The following GRIK2 variants were observed in gnomAD, a reference collection of about 807,000 sequenced individuals.
GRIK2 encodes the protein glutamate receptor ionotropic, kainate 2.
A neutral mutation model predicts 100.3 loss-of-function variants in GRIK2; 32 were observed. The ratio of observed to expected loss-of-function variants is 0.32; its 90% CI spans 0.24 to 0.43. GRIK2 has a LOEUF of 0.43. Ranked by LOEUF, GRIK2 falls within the 20% of genes least tolerant of loss-of-function variation. The pLI is 1.00. For missense variants in GRIK2, 843 were observed against 1,114.9 expected, an observed-to-expected ratio of 0.76 and a Z score of 3.47; for synonymous variants, 417 against 389.4, an observed-to-expected ratio of 1.07 and a Z score of -0.83.
chr6:101,702,861 A>G (rs1025095385), intron 7 of GRIK2, among the ~76,000 whole-genome samples: 2 of 151,844 alleles, frequency 1.3e-5, no homozygotes, highest in Non-Finnish European at 2.9e-5. Context: ...AGATGGAAAC[A>G]AGCAAGGTGC....
intron 14 of GRIK2, among the ~76,000 whole-genome samples, chr6:101,940,187 C>T (rs190028899): frequency 6.6e-6 from 1 of 152,258 alleles, no homozygotes; most frequent in East Asian, 1.9e-4. Context: ...GCCTTTGAAG[C>T]TGGCTGAGAA....
At chr6:101,897,575 A>T (rs553252690) in intron 12 of GRIK2, among the ~76,000 whole-genome samples, 1 of 151,958 alleles carries the variant, frequency 6.6e-6, no homozygotes, top group South Asian at 2.1e-4. Flanking sequence ...ATTCCAGCAA[A>T]ATCAGTGGCT....
chr6:102,020,059 A>C (rs1769343358), intron 14 of GRIK2, among the ~76,000 whole-genome samples: 1 of 151,988 alleles, frequency 6.6e-6, no homozygotes, highest in South Asian at 2.1e-4. Flanking sequence ...GGTTAAAAAG[A>C]CTATATTGTG....
At chr6:101,794,020 C>T (rs1319095660) in intron 7 of GRIK2, among the ~76,000 whole-genome samples, 3 of 152,180 alleles carry the variant, frequency 2.0e-5, no homozygotes, top group Non-Finnish European at 4.4e-5. Context: ...GAGCCAGGTG[C>T]AGGATATAAT....
chr6:101,470,741 C>T (rs1032532919), intron 2 of GRIK2, among the ~76,000 whole-genome samples: 1 of 152,082 alleles, frequency 6.6e-6, no homozygotes, highest in Non-Finnish European at 1.5e-5. Context: ...AGGAAATGCC[C>T]TATTCACTAC....
At chr6:101,618,132 GC>G (rs1779985792) in intron 2 of GRIK2, among the ~76,000 whole-genome samples, 1 of 150,672 alleles carries the variant, frequency 6.6e-6, no homozygotes, top group African/African-American at 2.4e-5. Context: ...TCTTCTCTTA[GC>G]TTTTTTTTGA....
At chr6:101,950,647 C>G (rs1375088073) in intron 14 of GRIK2, among the ~76,000 whole-genome samples, 2 of 152,190 alleles carry the variant, frequency 1.3e-5, no homozygotes, top group Non-Finnish European at 2.9e-5. Flanking sequence ...CTGCCCACTA[C>G]TTGCTTAGTT....
intron 4 of GRIK2, among the ~76,000 whole-genome samples, chr6:101,640,464 C>A (rs1297785400): frequency 2.0e-5 from 3 of 152,124 alleles, no homozygotes; most frequent in Admixed American, 6.6e-5. Flanking sequence ...CAATTGTGCT[C>A]AAGTTCAAAG....
chr6:101,571,340 A>G (rs115647228), intron 2 of GRIK2, among the ~76,000 whole-genome samples: 2,892 of 152,224 alleles, frequency 0.019, 100 homozygotes, highest in African/African-American at 0.067. Context: ...TAAAAATAAT[A>G]AAAACTGATT....
chr6:101,803,659 C>CTTTA (rs940003627), intron 9 of GRIK2, among the ~76,000 whole-genome samples: 1 of 151,780 alleles, frequency 6.6e-6, no homozygotes, highest in South Asian at 2.1e-4. Flanking sequence ...GATGTTATTA[C>CTTTA]TTTATTTATT....
chr6:101,507,255 G>C (rs967363527), intron 2 of GRIK2, among the ~76,000 whole-genome samples: 7 of 151,988 alleles, frequency 4.6e-5, no homozygotes, highest in African/African-American at 1.7e-4. Flanking sequence ...CTTTAATTTA[G>C]AGCACTTGAT....
intron 7 of GRIK2, among the ~76,000 whole-genome samples, chr6:101,745,729 C>T (rs898441397): frequency 1.3e-5 from 2 of 152,062 alleles, no homozygotes; most frequent in Non-Finnish European, 2.9e-5. Flanking sequence ...GGTGCTCTCC[C>T]TGCAGCTATA....
chr6:101,899,633 T>C (rs1161251116), intron 12 of GRIK2, among the ~76,000 whole-genome samples: 1 of 152,128 alleles, frequency 6.6e-6, no homozygotes, highest in Non-Finnish European at 1.5e-5. Flanking sequence ...CGCTTTCTCA[T>C]GGGCTTCTGA....
At chr6:101,819,464 A>G (rs1340975541) in intron 10 of GRIK2, among the ~76,000 whole-genome samples, 1 of 152,192 alleles carries the variant, frequency 6.6e-6, no homozygotes, top group Non-Finnish European at 1.5e-5. Context: ...AAAGCTGATA[A>G]TCATGAAGTG....
chr6:101,988,587 TAA>T (rs1036848895), intron 14 of GRIK2, among the ~76,000 whole-genome samples: 2 of 151,770 alleles, frequency 1.3e-5, no homozygotes, highest in Non-Finnish European at 2.9e-5. Flanking sequence ...ATGGGGTTAA[TAA>T]AAGTGCTTGC....
At chr6:101,783,326 C>T (rs570657854) in intron 7 of GRIK2, among the ~76,000 whole-genome samples, 1 of 146,980 alleles carries the variant, frequency 6.8e-6, no homozygotes, top group South Asian at 2.4e-4. Context: ...TGCTCTCTCT[C>T]TCTCTCTTGC....
At chr6:101,882,043 A>G (rs1786286117) in intron 11 of GRIK2, among the ~76,000 whole-genome samples, 1 of 152,016 alleles carries the variant, frequency 6.6e-6, no homozygotes, top group Non-Finnish European at 1.5e-5. Flanking sequence ...ACAAGAGAGA[A>G]TGAGAGCCAA....
intron 14 of GRIK2, among the ~76,000 whole-genome samples, chr6:101,947,543 G>A (rs1263078449): frequency 1.3e-5 from 2 of 152,112 alleles, no homozygotes; most frequent in African/African-American, 2.4e-5. Flanking sequence ...ATGGCATTCA[G>A]CTCATTAATA....
intron 2 of GRIK2, among the ~76,000 whole-genome samples, chr6:101,583,525 C>T (rs1778203325): frequency 6.6e-6 from 1 of 152,094 alleles, no homozygotes; most frequent in Admixed American, 6.6e-5. Context: ...GAGCCTTGTA[C>T]AATTTGCCCT....
Sources: allele counts gnomAD v4.1 joint callset (sites outside exome capture counted in the v4.1 genomes callset), GRCh38; gene constraint gnomAD v4.1.1; transcripts MANE v1.5; gene names NCBI Gene and HGNC (gene_info 2026-07-23, HGNC 2026-07-21).